Variants in BPIFB2 observed in about 807,000 individuals in gnomAD.
BPIFB2 encodes BPI fold containing family B member 2, also known as BPI fold-containing family B member 2.
A neutral mutation model predicts 50.1 loss-of-function variants in BPIFB2; 39 were observed. That is an observed-to-expected ratio of 0.78 (90% CI 0.60 to 1.02). The LOEUF is 1.02. Among genes scored for constraint, BPIFB2 ranks in the 50% least tolerant of loss-of-function variants. BPIFB2 has a pLI of 0.00. For missense variants in BPIFB2, 574 were observed against 585.8 expected, an observed-to-expected ratio of 0.98 and a Z score of 0.21; for synonymous variants, 280 against 256.3, an observed-to-expected ratio of 1.09 and a Z score of -0.88.
rs1265678073 is a variant in BPIFB2 at position 33,023,371 on chromosome 20, C to T, written c.1365C>T (p.Phe455=). ...ACGTGGTGATATCCAGTGGACTCTTCTACCAGAGCTGAGGCAAGACCACTG... is the reference window on the plus strand; with the variant it reads ...ACGTGGTGATATCCAGTGGACTCTTTTACCAGAGCTGAGGCAAGACCACTG... ...EGYVVISSGL[F]YQS The change falls in exon 16 of 16, where the codon TTC becomes TTT. Residue 455 remains phenylalanine (F), a synonymous_variant. Transcript: ENST00000170150. The T allele has an allele frequency of 6.2e-7, 1 of 1,614,002 alleles. No homozygotes were observed. The highest frequency in any genetic ancestry group is 8.5e-7 in the Non-Finnish European group (1 of 1,179,926).
chr20:33,023,441 A>C lies in BPIFB2; in HGVS notation c.*58A>C. 49 of 1,576,466 alleles carry C rather than the reference A, an allele frequency of 3.1e-5. No individual in the cohort carries two copies. Among genetic ancestry groups the C allele is most frequent in the Non-Finnish European group, 3.8e-5 (44 of 1,146,462 alleles). On this transcript the variant is annotated 3_prime_UTR_variant, in exon 16 of 16. Transcript: ENST00000170150. Reference sequence around the variant, plus strand: ...AGCTCGCTGCTCAGGCGAATTTCTCATTTCAAGCCACTGGGGAAACTGAGG... The same window carrying C: ...AGCTCGCTGCTCAGGCGAATTTCTCCTTTCAAGCCACTGGGGAAACTGAGG...
At chr20:33,012,720 G>T in intron 3 of BPIFB2, 83 bp from the exon 4 acceptor site, 1 of 1,048,072 alleles carries the variant, frequency 9.5e-7, no homozygotes, top group South Asian at 1.3e-5. Context: ...AACATCGTGT[G>T]GGTATGGCTC....
rs1024776870 is a variant in BPIFB2, at chr20:33,016,922, C to T, written c.517-120C>T. 6 of 853,838 alleles carry T rather than the reference C, an allele frequency of 7.0e-6. No individual in the cohort carries two copies. The African/African-American group carries it at 8.5e-5, about 12-fold the overall frequency. The allele number at this position is 853,838 out of a possible 1,614,324, so 52.9% of individuals were successfully genotyped here. On this transcript the variant is annotated intron_variant, in intron 6 of 15. Transcript: ENST00000170150. ...CACTGGCGGGTGGAGGAAGGGATTCCAGGCATGGTGTATGGGTTGGGGAGG... is the reference window on the plus strand; with the variant it reads ...CACTGGCGGGTGGAGGAAGGGATTCTAGGCATGGTGTATGGGTTGGGGAGG...
At chr20:33,021,236 C>T in intron 13 of BPIFB2, 45 bp from the exon 14 acceptor site, 1 of 1,601,600 alleles carries the variant, frequency 6.2e-7, no homozygotes. Context: ...TCTCTCCTGG[C>T]CCCTCGGCTG....
At chr20:33,013,221 T>C (rs1990313118) in intron 4 of BPIFB2, among the ~76,000 whole-genome samples, 1 of 152,180 alleles carries the variant, frequency 6.6e-6, no homozygotes, top group South Asian at 2.1e-4. Context: ...ATTGCTGTGA[T>C]TATAATGACT....
In BPIFB2 at chr20:33,007,711, G is replaced by C. The variant is rs953840259; in HGVS notation, c.-84G>C. On this transcript the variant is annotated 5_prime_UTR_variant, in exon 1 of 16. Transcript: ENST00000170150. ...TCTGCATCTGCCTGCCTCGGGCAGA[G>C]GAGGGCTACCCTGGGGCTGAGAGTT... The C allele has an allele frequency of 2.6e-5, 4 of 152,270 alleles. No individual in the cohort carries two copies. Among genetic ancestry groups the C allele is most frequent in the African/African-American group, 7.2e-5 (3 of 41,464 alleles). 9.4% of individuals were successfully genotyped at this position (152,270 alleles called of 1,614,324 possible). A position where few individuals can be genotyped will look rare whatever the true frequency, so the allele number is the denominator to read the frequency against.
chr20:33,021,612 T>C, intron 14 of BPIFB2, 111 bp from the exon 15 acceptor site: 2 of 1,158,644 alleles, frequency 1.7e-6, no homozygotes, highest in Non-Finnish European at 2.6e-6. Flanking sequence ...GGTATAACAA[T>C]AATGGCATCC....
intron 6 of BPIFB2, 66 bp from the exon 7 acceptor site, chr20:33,016,976 C>A (rs916856664): frequency 6.8e-7 from 1 of 1,473,796 alleles, no homozygotes. Context: ...AGACCCCTCT[C>A]AGCCTTGTGC....
intron 3 of BPIFB2, among the ~76,000 whole-genome samples, chr20:33,012,313 G>A (rs1339308119): frequency 6.6e-6 from 1 of 152,160 alleles, no homozygotes; most frequent in East Asian, 1.9e-4. Context: ...GCTTCTGTAC[G>A]GGGACCTGAA....
chr20:33,017,061 A>T lies in BPIFB2; in HGVS notation c.536A>T (p.Asn179Ile). Residue 179 changes from asparagine (N) to isoleucine (I), a missense_variant, in exon 7 of 16, where the codon AAC (asparagine) becomes ATC (isoleucine). Asn to Ile is a moderately radical substitution (Grantham distance 149). Coordinates refer to ENST00000170150, the MANE Select transcript of BPIFB2 (RefSeq NM_025227.3). Reference sequence around the variant, plus strand: ...CCACAGCTGTGCCTGAGCATCTCCAACCTGGTGCAGGGTGTCAATGTCCAC... The same window carrying T: ...CCACAGCTGTGCCTGAGCATCTCCATCCTGGTGCAGGGTGTCAATGTCCAC... ...LSNKLCLSIS[N>I]LVQGVNVHLG... 1.2e-6 allele frequency: 2 copies of T among 1,613,956 alleles called. No individual in the cohort carries two copies. The highest frequency in any genetic ancestry group is 1.7e-6 in the Non-Finnish European group (2 of 1,179,936).
chr20:33,010,564 C>A (rs547291216), intron 2 of BPIFB2, among the ~76,000 whole-genome samples: 1 of 152,238 alleles, frequency 6.6e-6, no homozygotes, highest in Non-Finnish European at 1.5e-5. Context: ...ATCTGAGAGA[C>A]TCTTGAGTCC....
chr20:33,023,396 G>A lies in BPIFB2; in HGVS notation c.*13G>A, dbSNP rs1253932664. 2.5e-6 allele frequency: 4 copies of A among 1,613,642 alleles called. No individual in the cohort carries two copies. Among genetic ancestry groups the A allele is most frequent in the Non-Finnish European group, 2.5e-6 (3 of 1,179,612 alleles). On this transcript the variant is annotated 3_prime_UTR_variant, in exon 16 of 16. Transcript: ENST00000170150. Reference sequence around the variant, plus strand: ...CTACCAGAGCTGAGGCAAGACCACTGGGAGGCCTGAGAGTGGGCCAGCTCG... The same window carrying A: ...CTACCAGAGCTGAGGCAAGACCACTAGGAGGCCTGAGAGTGGGCCAGCTCG...
chr20:33,015,795 G>A (rs1032169871), intron 6 of BPIFB2, among the ~76,000 whole-genome samples: 4 of 152,020 alleles, frequency 2.6e-5, no homozygotes, highest in Non-Finnish European at 5.9e-5. Flanking sequence ...TGGGCCTGTG[G>A]TTTGTGAAAA....
At chr20:33,018,555 A>G (rs1978520556) in intron 8 of BPIFB2, 82 bp from the exon 9 acceptor site, 2 of 1,451,518 alleles carry the variant, frequency 1.4e-6, no homozygotes, top group Middle Eastern at 1.9e-4. Flanking sequence ...AGTGGCATCT[A>G]GGAGTCCAGG....
In BPIFB2 at chr20:33,018,756, G is replaced by T; in HGVS notation, c.789G>T (p.Leu263=). ...CCACCGTGGGCCTCTCCCAGCAGCT[G>T]TTTGACTCTGCGCTCCTGCTGCTGC... The part of the protein sequence containing the change: ...SMATVGLSQQ[L]FDSALLLLQK... The change falls in exon 9 of 16, where the codon CTG becomes CTT. Residue 263 remains leucine (L), a synonymous_variant. Coordinates refer to ENST00000170150, the MANE Select transcript of BPIFB2 (RefSeq NM_025227.3). The T allele has an allele frequency of 6.2e-7, 1 of 1,614,230 alleles. No individual in the cohort carries two copies. The highest frequency in any genetic ancestry group is 1.1e-5 in the South Asian group (1 of 91,088).
In BPIFB2 at chr20:33,023,472, C is replaced by T; in HGVS notation, c.*89C>T. ...AGCCACTGGGGAAACTGAGGCAAAA[C>T]CATACTTAGTCATCACCAACAAGCT... On this transcript the variant is annotated 3_prime_UTR_variant, in exon 16 of 16. Coordinates refer to ENST00000170150, the MANE Select transcript of BPIFB2 (RefSeq NM_025227.3). 2.7e-6 allele frequency: 4 copies of T among 1,464,486 alleles called. No homozygotes were observed. Among genetic ancestry groups the T allele is most frequent in the East Asian group, 2.3e-5 (1 of 44,018 alleles). 90.7% of individuals were successfully genotyped at this position (1,464,486 alleles called of 1,614,324 possible).
Position 33,011,111 on chromosome 20 carries a change from C to A in BPIFB2, c.197C>A (p.Pro66His). 1 of 1,613,660 alleles carries A rather than the reference C, an allele frequency of 6.2e-7. No homozygotes were observed. Among genetic ancestry groups the A allele is most frequent in the Non-Finnish European group, 8.5e-7 (1 of 1,179,684 alleles). The change falls in exon 3 of 16, where the codon CCC becomes CAC. Residue 66 changes from proline to histidine, a missense_variant. By Grantham distance (77) the Pro-to-His change is moderately conservative. Coordinates refer to ENST00000170150, the MANE Select transcript of BPIFB2 (RefSeq NM_025227.3). ...FLDWSGEALQ[P>H]TRIRILNVHV... ...GACTGGAGTGGAGAGGCGCTTCAGC[C>A]CACCAGGTGAGTGCTCCCCTCCTCC... is the stretch of plus-strand genomic sequence containing the variant.
rs752471557 is a variant in BPIFB2, at chr20:33,019,686, C to G, written c.1016C>G (p.Pro339Arg). Residue 339 changes from proline (P) to arginine (R), a missense_variant, in exon 11 of 16, where the codon CCC (proline) becomes CGC (arginine). By Grantham distance (103) the Pro-to-Arg change is moderately radical. Coordinates refer to ENST00000170150, the MANE Select transcript of BPIFB2 (RefSeq NM_025227.3). ...HTNNATLRLQ[P>R]FVEVLATASN... ...AACAACGCCACCCTGCGGCTGCAGC[C>G]CTTCGTGGAGGTCCTGGCCACAGCC... is the stretch of plus-strand genomic sequence containing the variant. The G allele has an allele frequency of 6.2e-7, 1 of 1,612,606 alleles. No homozygotes were observed. Among genetic ancestry groups the G allele is most frequent in the African/African-American group, 1.3e-5 (1 of 74,916 alleles).
In BPIFB2 at chr20:33,020,384, G is replaced by A. The variant is rs183995854; in HGVS notation, c.1137G>A (p.Thr379=). ...CCAAGGTGAAGCTTCAGGGGACCAC[G>A]TCTGTGCTGGGGTAAACGAGCCCAC... ...SVSKVKLQGT[T]SVLGDVQLTV... The change falls in exon 12 of 16, where the codon ACG becomes ACA. Residue 379 remains threonine, a synonymous_variant. Coordinates refer to ENST00000170150, the MANE Select transcript of BPIFB2 (RefSeq NM_025227.3). 468 of 1,614,146 alleles carry A rather than the reference G, an allele frequency of 2.9e-4. 3 individuals are homozygous for A. The East Asian group carries it at 8.3e-3, about 29-fold the overall frequency.
Sources: allele counts gnomAD v4.1 joint callset (sites outside exome capture counted in the v4.1 genomes callset), GRCh38; gene constraint gnomAD v4.1.1; transcripts MANE v1.5; gene names NCBI Gene and HGNC (gene_info 2026-07-23, HGNC 2026-07-21).